DNAH7: variants seen among roughly 807,000 people sequenced by gnomAD.
The protein encoded by DNAH7 is dynein axonemal heavy chain 7.
In DNAH7, 397 loss-of-function variants were observed where a neutral mutation model predicts 444.6. The observed-to-expected ratio is 0.89, with a 90% confidence interval of 0.82 to 0.97. The LOEUF (loss-of-function observed/expected upper bound fraction) is 0.97. Among genes scored for constraint, DNAH7 ranks in the 50% least tolerant of loss-of-function variants. The pLI is 0.00. For synonymous variants in DNAH7, 1,636 were observed against 1,624.4 expected (o/e 1.01, Z -0.17); for missense variants, 4,902 against 4,800.8 (o/e 1.02, Z -0.62).
chr2:195,790,894 G>A (rs1283884352), intron 57 of DNAH7, among the ~76,000 whole-genome samples: 1 of 152,136 alleles, frequency 6.6e-6, no homozygotes, highest in East Asian at 1.9e-4. Context: ...TATCAACAGA[G>A]TAAAAAGACA....
At chr2:195,965,407 G>A (rs1691407373) in intron 17 of DNAH7, among the ~76,000 whole-genome samples, 1 of 152,116 alleles carries the variant, frequency 6.6e-6, no homozygotes, top group Admixed American at 6.5e-5. Flanking sequence ...ATGTTCATTA[G>A]GGATATTGGC....
intron 15 of DNAH7, among the ~76,000 whole-genome samples, chr2:195,976,530 T>C (rs1197112859): frequency 1.3e-5 from 2 of 152,044 alleles, no homozygotes; most frequent in Admixed American, 6.6e-5. Context: ...CATGCCTGGA[T>C]GGCTTCACCA....
chr2:195,816,749 A>G lies in DNAH7; in HGVS notation c.9640T>C (p.Phe3214Leu). The G allele has an allele frequency of 1.2e-6, 2 of 1,614,208 alleles. No homozygotes were observed. The highest frequency in any genetic ancestry group is 1.7e-6 in the Non-Finnish European group (2 of 1,180,016). The change falls in exon 51 of 65, where the codon TTT (phenylalanine) becomes CTT (leucine). Residue 3214 changes from phenylalanine to leucine, a missense_variant. Coordinates refer to ENST00000312428, the MANE Select transcript of DNAH7 (RefSeq NM_018897.3). ...TTGGCTAAATCAGCAAGAGAAAAAA[A>G]TAGGATGGAAGAATGGATGGCAATA... Reference protein sequence around the residue: ...RPIAIHSSILFFSLADLANIE... With the variant: ...RPIAIHSSILLFSLADLANIE...
chr2:195,838,666 G>A (rs535006734), intron 47 of DNAH7, among the ~76,000 whole-genome samples: 1 of 151,970 alleles, frequency 6.6e-6, no homozygotes, highest in South Asian at 2.1e-4. Flanking sequence ...AAAACTATAC[G>A]ATCCAACTGT....
intron 19 of DNAH7, among the ~76,000 whole-genome samples, chr2:195,938,642 T>C (rs1356236646): frequency 1.3e-5 from 2 of 152,186 alleles, no homozygotes; most frequent in Admixed American, 1.3e-4. Flanking sequence ...AACCAGTATA[T>C]TCCATTTGCT....
intron 48 of DNAH7, among the ~76,000 whole-genome samples, chr2:195,826,418 TAA>T (rs1380218236): frequency 6.6e-6 from 1 of 152,156 alleles, no homozygotes; most frequent in Non-Finnish European, 1.5e-5. Context: ...GCAATCAAAA[TAA>T]ATCAAAATAA....
rs1256316441 is a variant in DNAH7, at chr2:195,807,527, C to T, written c.10084-695G>A. Among the ~76,000 whole-genome samples the T allele has an allele frequency of 2.0e-5, 3 of 152,152 alleles. No individual in the cohort carries two copies. In the East Asian group the frequency reaches 5.8e-4, roughly 29 times the overall value. On this transcript the variant is annotated intron_variant, in intron 53 of 64. Coordinates refer to ENST00000312428, the MANE Select transcript of DNAH7 (RefSeq NM_018897.3). ...TATTTACAAAAATAAATAAATATTTCAAAACAAGTAAAAAGGGTATTGTAC... is the reference window on the plus strand; with the variant it reads ...TATTTACAAAAATAAATAAATATTTTAAAACAAGTAAAAAGGGTATTGTAC...
chr2:196,058,497 T>C (rs1435688792), intron 1 of DNAH7, among the ~76,000 whole-genome samples: 1 of 152,182 alleles, frequency 6.6e-6, no homozygotes, highest in Admixed American at 6.5e-5. Flanking sequence ...TTGTATCCCT[T>C]ATAATAAAAC....
chr2:195,826,286 T>A (rs1697741476), intron 48 of DNAH7, among the ~76,000 whole-genome samples: 1 of 152,220 alleles, frequency 6.6e-6, no homozygotes, highest in Admixed American at 6.5e-5. Context: ...TTGTCATTTG[T>A]TTTTAAACCT....
At chr2:195,882,958 C>A (rs1701487038) in intron 35 of DNAH7, among the ~76,000 whole-genome samples, 2 of 152,122 alleles carry the variant, frequency 1.3e-5, no homozygotes, top group Admixed American at 1.3e-4. Flanking sequence ...TTTATTCATT[C>A]TTGTATCTTC....
At chr2:195,824,227 T>A (rs937906072) in intron 49 of DNAH7, 28 bp downstream of exon 49, 1 of 1,577,166 alleles carries the variant, frequency 6.3e-7, no homozygotes, top group Non-Finnish European at 8.6e-7. Context: ...CAAAATCTGA[T>A]AAAGAAACAT....
rs898691010 is a variant in DNAH7 at position 195,937,692 on chromosome 2, C to CT, written c.3079-901dup. Among the ~76,000 whole-genome samples, 5 of 151,998 alleles carry CT rather than the reference C, an allele frequency of 3.3e-5. No individual in the cohort carries two copies. In the East Asian group the frequency reaches 5.8e-4, roughly 18 times the overall value. The stretch of plus-strand genomic sequence containing the variant: ...TATAGTTGAAATAGAATTCTTTTTA[C>CT]TTTTTTTTCTTTAACACATGGTTGA... On this transcript the variant is annotated intron_variant, in intron 19 of 64. Transcript: ENST00000312428.
intron 63 of DNAH7, among the ~76,000 whole-genome samples, chr2:195,752,568 C>T (rs911884592): frequency 1.3e-5 from 2 of 152,040 alleles, no homozygotes; most frequent in Admixed American, 1.3e-4. Flanking sequence ...AGAATAAGGT[C>T]GGTCACTTGG....
intron 29 of DNAH7, among the ~76,000 whole-genome samples, chr2:195,895,473 G>C (rs1217371407): frequency 6.6e-6 from 1 of 152,046 alleles, no homozygotes; most frequent in Non-Finnish European, 1.5e-5. Flanking sequence ...ACAGGGTCTG[G>C]CTCTTGCTCA....
At chr2:195,863,362 T>TACCACAC in intron 41 of DNAH7, among the ~76,000 whole-genome samples, 1 of 152,174 alleles carries the variant, frequency 6.6e-6, no homozygotes, top group Non-Finnish European at 1.5e-5. Context: ...ACCACACAGG[T>TACCACAC]AGAGAATGCA....
intron 46 of DNAH7, among the ~76,000 whole-genome samples, chr2:195,850,715 G>A (rs904788012): frequency 6.6e-6 from 1 of 152,170 alleles, no homozygotes; most frequent in African/African-American, 2.4e-5. Flanking sequence ...AATGTTGTAA[G>A]GTCTCTTAGT....
intron 31 of DNAH7, 123 bp from the exon 32 acceptor site, chr2:195,889,104 G>A (rs909031387): frequency 4.7e-5 from 41 of 881,428 alleles, no homozygotes; most frequent in Middle Eastern, 3.1e-4. Flanking sequence ...TCATGAAAAC[G>A]TAAAAGCACT....
At chr2:196,017,622 C>T (rs1196153364) in intron 9 of DNAH7, among the ~76,000 whole-genome samples, 1 of 152,016 alleles carries the variant, frequency 6.6e-6, no homozygotes, top group East Asian at 1.9e-4. Context: ...TCCAGAAAGA[C>T]ATTCTGATTA....
At chr2:195,801,878 A>T (rs983923309) in intron 54 of DNAH7, among the ~76,000 whole-genome samples, 1 of 152,136 alleles carries the variant, frequency 6.6e-6, no homozygotes, top group Non-Finnish European at 1.5e-5. Flanking sequence ...TGTGTTAGGG[A>T]TCAGATTTTT....
Sources: allele counts gnomAD v4.1 joint callset (sites outside exome capture counted in the v4.1 genomes callset), GRCh38; gene constraint gnomAD v4.1.1; transcripts MANE v1.5; gene names NCBI Gene and HGNC (gene_info 2026-07-23, HGNC 2026-07-21).